The following RACK1 variants were observed in gnomAD, a reference collection of about 807,000 sequenced individuals.
RACK1 encodes receptor for activated C kinase 1, also known as small ribosomal subunit protein RACK1.
In RACK1, 3 loss-of-function variants were observed where a neutral mutation model predicts 42.2. The ratio of observed to expected loss-of-function variants is 0.07; its 90% CI spans 0.03 to 0.18. RACK1 has a LOEUF of 0.18. Among genes scored for constraint, RACK1 ranks in the 10% least tolerant of loss-of-function variants. RACK1 has a pLI of 1.00. For missense variants in RACK1, 146 were observed against 403.2 expected (o/e 0.36, Z 5.46); for synonymous variants, 181 against 154.8 (o/e 1.17, Z -1.25).
At chr5:181,239,730 G>T in intron 3 of RACK1, 148 bp from the exon 4 acceptor site, 1 of 570,416 alleles carries the variant, frequency 1.8e-6, no homozygotes. Context: ...AATCCCTTTA[G>T]ATTCCAGACA....
intron 1 of RACK1, chr5:181,243,448 C>T: frequency 6.7e-7 from 1 of 1,498,780 alleles, no homozygotes; most frequent in South Asian, 1.2e-5. Flanking sequence ...GTTTCCAACT[C>T]TCCAACCCTC....
chr5:181,240,309 C>G (rs770656122), intron 3 of RACK1: 1 of 156,016 alleles, frequency 6.4e-6, no homozygotes, highest in Non-Finnish European at 1.4e-5. Flanking sequence ...GAGCCGAGAT[C>G]GCACTACTGC....
intron 1 of RACK1, 155 bp downstream of exon 1, chr5:181,243,537 C>T (rs1384543332): frequency 2.2e-5 from 31 of 1,394,926 alleles, no homozygotes; most frequent in Non-Finnish European, 2.8e-5. Flanking sequence ...GGCTCGGGTC[C>T]GCACGCCCCA....
intron 3 of RACK1, 183 bp downstream of exon 3, chr5:181,241,309 A>G: frequency 1.7e-6 from 1 of 585,764 alleles, no homozygotes; most frequent in Non-Finnish European, 3.0e-6. Flanking sequence ...GCGCACCTGT[A>G]GTACCAGCTA....
intron 1 of RACK1, chr5:181,243,433 T>G (rs3909373): frequency 0.088 from 132,317 of 1,506,246 alleles, 10,069 homozygotes; most frequent in African/African-American, 0.34. Context: ...AAAGATATTT[T>G]AAAAGTTTCC....
chr5:181,241,446 A>T, intron 3 of RACK1, 46 bp downstream of exon 3: 3 of 1,484,644 alleles, frequency 2.0e-6, no homozygotes, highest in African/African-American at 1.4e-5. Flanking sequence ...AAAAAAAAGC[A>T]AAGTTTAAGA....
intron 3 of RACK1, among the ~76,000 whole-genome samples, chr5:181,239,898 A>AGCTGGGCATGATGGC: frequency 6.6e-6 from 1 of 151,956 alleles, no homozygotes; most frequent in South Asian, 2.1e-4. Context: ...TACAAAAATT[A>AGCTGGGCATGATGGC]ACCAGGTGTG....
chr5:181,239,903 G>C (rs548969821), intron 3 of RACK1, among the ~76,000 whole-genome samples: 78 of 152,010 alleles, frequency 5.1e-4, no homozygotes, highest in African/African-American at 1.7e-3. Context: ...AAATTAACCA[G>C]GTGTGGCGGC....
At chr5:181,238,886 T>G in intron 5 of RACK1, 181 bp downstream of exon 5, 3 of 678,904 alleles carry the variant, frequency 4.4e-6, no homozygotes, top group Non-Finnish European at 8.1e-6. Flanking sequence ...CCAGATAGTA[T>G]GCCTTAACTG....
intron 3 of RACK1, 120 bp from the exon 4 acceptor site, chr5:181,239,702 A>G (rs917376034): frequency 1.6e-6 from 1 of 640,268 alleles, no homozygotes; most frequent in African/African-American, 1.8e-5. Context: ...CAAGAACCCA[A>G]ACCTTTAAGC....
Position 181,237,138 on chromosome 5 carries a change from C to T in RACK1, c.889-96G>A, listed in dbSNP as rs1163530357. ...GTGGCTTTTTTTGAGATCCGTCCACCTTGCTCCATTGTCTAGGCTGGAGTG... is the reference window on the plus strand; with the variant it reads ...GTGGCTTTTTTTGAGATCCGTCCACTTTGCTCCATTGTCTAGGCTGGAGTG... On this transcript the variant is annotated intron_variant, in intron 7 of 7. Transcript: ENST00000512805. 3 of 1,574,774 alleles carry T rather than the reference C, an allele frequency of 1.9e-6. No homozygotes were observed. The East Asian group carries it at 6.9e-5, about 36-fold the overall frequency.
chr5:181,238,430 T>C, intron 5 of RACK1, 191 bp from the exon 6 acceptor site: 1 of 569,688 alleles, frequency 1.8e-6, no homozygotes, highest in Non-Finnish European at 3.1e-6. Flanking sequence ...ACCAACCCCA[T>C]CAAAAAACCC....
rs1259199710 is a variant in RACK1, at chr5:181,243,868, C to A, written c.-68G>T. On this transcript the variant is annotated 5_prime_UTR_variant, in exon 1 of 8. Coordinates refer to ENST00000512805, the MANE Select transcript of RACK1 (RefSeq NM_006098.5). Reference sequence around the variant, plus strand: ...ACTGGATGGCTTAGAGAAACTAGCACCACAACCTCTCCTGCCGCCGCCTTG... The same window carrying A: ...ACTGGATGGCTTAGAGAAACTAGCAACACAACCTCTCCTGCCGCCGCCTTG... The A allele has an allele frequency of 4.6e-6, 7 of 1,513,124 alleles. No homozygotes were observed. The Admixed American group carries it at 6.6e-5, about 14-fold the overall frequency. 93.7% of individuals were successfully genotyped at this position (1,513,124 alleles called of 1,614,324 possible). A position where few individuals can be genotyped will look rare whatever the true frequency, so the allele number is the denominator to read the frequency against.
In RACK1 at chr5:181,242,348, A is replaced by G. The variant is rs192722247; in HGVS notation, c.110-3T>C. ...TTTCCACATGATGATGGTCTTATCT[A>G]AAGGAGGTAAAACAGAAGAAAAATC... On this transcript the variant is annotated splice_region_variant and splice_polypyrimidine_tract_variant and intron_variant, in intron 1 of 7. Coordinates refer to ENST00000512805, the MANE Select transcript of RACK1 (RefSeq NM_006098.5). 8.1e-6 allele frequency: 13 copies of G among 1,606,024 alleles called. No individual in the cohort carries two copies. In the East Asian group the frequency reaches 2.9e-4, roughly 36 times the overall value.
At chr5:181,243,657 C>T (rs1298542146) in intron 1 of RACK1, 35 bp downstream of exon 1, 10 of 1,559,588 alleles carry the variant, frequency 6.4e-6, no homozygotes, top group Non-Finnish European at 8.7e-6. Context: ...CCCAGCCCTG[C>T]AATCTCGGGT....
At position 181,242,373 on chromosome 5, in the gene RACK1, C is replaced by G. The variant is rs772297666; in HGVS notation, c.110-28G>C. On this transcript the variant is annotated intron_variant, in intron 1 of 7. Coordinates refer to ENST00000512805, the MANE Select transcript of RACK1 (RefSeq NM_006098.5). ...AAAGGAGGTAAAACAGAAGAAAAAT[C>G]AGTGAGGAACCCGCAGCCCGTTTAA... The G allele has an allele frequency of 2.6e-6, 4 of 1,525,998 alleles. No homozygotes were observed. In the Admixed American group the frequency reaches 5.2e-5, roughly 20 times the overall value. The allele number at this position is 1,525,998 out of a possible 1,614,324, so 94.5% of individuals were successfully genotyped here.
intron 5 of RACK1, chr5:181,238,739 C>T (rs758016404): frequency 1.3e-5 from 5 of 372,988 alleles, no homozygotes; most frequent in Non-Finnish European, 2.6e-5. Flanking sequence ...GAGATGGTTG[C>T]AGTGAGCCGA....
chr5:181,237,151 C>G, intron 7 of RACK1, 109 bp from the exon 8 acceptor site: 1 of 1,560,986 alleles, frequency 6.4e-7, no homozygotes, highest in Non-Finnish European at 8.7e-7. Flanking sequence ...GCTCCATTGT[C>G]TAGGCTGGAG....
intron 6 of RACK1, 55 bp downstream of exon 6, chr5:181,238,044 A>G (rs1179177477): frequency 6.3e-7 from 1 of 1,594,680 alleles, no homozygotes. Flanking sequence ...TAACCAAAAC[A>G]TTGCCAGGGC....
Sources: gnomAD v4.1 joint callset for allele counts (sites outside exome capture counted in the v4.1 genomes callset) on GRCh38, gnomAD v4.1.1 for gene constraint, MANE v1.5 for transcripts, NCBI Gene and HGNC (gene_info 2026-07-23, HGNC 2026-07-21) for gene names.